Variants in NFASC observed in about 807,000 individuals in gnomAD.
NFASC encodes neurofascin, also known as neurofascin homolog.
A neutral mutation model predicts 147.5 loss-of-function variants in NFASC; 43 were observed. The observed-to-expected ratio is 0.29, with a 90% CI of 0.23 to 0.38. The LOEUF (loss-of-function observed/expected upper bound fraction) is 0.38. NFASC is among the 10% of genes least tolerant of loss of function. NFASC has a pLI of 1.00. For missense variants in NFASC, 1,320 were observed against 1,689.0 expected, an observed-to-expected ratio of 0.78 and a Z score of 3.83; for synonymous variants, 622 against 665.5, an observed-to-expected ratio of 0.93 and a Z score of 1.01.
At chr1:204,883,545 C>T (rs2080723987) in intron 1 of NFASC, among the ~76,000 whole-genome samples, 1 of 152,182 alleles carries the variant, frequency 6.6e-6, no homozygotes, top group Non-Finnish European at 1.5e-5. Context: ...CCCAGCCCTC[C>T]GGAGGATGGT....
intron 2 of NFASC, among the ~76,000 whole-genome samples, chr1:204,939,369 A>T (rs552766244): frequency 4.6e-5 from 7 of 152,062 alleles, no homozygotes; most frequent in Non-Finnish European, 1.0e-4. Context: ...TTTATCAGAC[A>T]ATTCTTCCTG....
chr1:204,978,389 CCTG>C (rs2095448035), intron 17 of NFASC, among the ~76,000 whole-genome samples: 1 of 152,198 alleles, frequency 6.6e-6, no homozygotes, highest in African/African-American at 2.4e-5. Context: ...AGGCTTCTGT[CCTG>C]CTGTCCATCA....
chr1:204,876,996 G>GTA (rs60582969), intron 1 of NFASC, among the ~76,000 whole-genome samples: 2,640 of 74,558 alleles, frequency 0.035, 78 homozygotes, highest in South Asian at 0.071. Context: ...GGCTAAATAT[G>GTA]TATATATATA....
At position 204,951,564 on chromosome 1, in the gene NFASC, G is replaced by A. The variant is rs190468795; in HGVS notation, c.110-447G>A. Reference sequence around the variant, plus strand: ...GCTCACTGCAAGCTCCGCTTCCTGGGTTCTTGTCATTCTCCTGCCTCAGCC... The same window carrying A: ...GCTCACTGCAAGCTCCGCTTCCTGGATTCTTGTCATTCTCCTGCCTCAGCC... On this transcript the variant is annotated intron_variant, in intron 4 of 29. Coordinates refer to ENST00000339876, the MANE Select transcript of NFASC (RefSeq NM_001005388.3). 5.8e-3 allele frequency among the ~76,000 whole-genome samples: 842 copies of A among 145,590 alleles called. 6 individuals are homozygous for A. The highest frequency in any genetic ancestry group is 0.02 in the African/African-American group (801 of 39,124).
intron 20 of NFASC, 70 bp from the exon 21 acceptor site, chr1:204,981,728 G>C: frequency 9.9e-7 from 1 of 1,012,886 alleles, no homozygotes; most frequent in East Asian, 2.7e-5. Context: ...CACAGCAAGA[G>C]AGGGCAAGCT....
Position 204,957,747 on chromosome 1 carries a change from C to T in NFASC, c.627C>T (p.Thr209=), listed in dbSNP as rs374961734. 4.5e-5 allele frequency: 73 copies of T among 1,613,970 alleles called. No homozygotes were observed. The highest frequency in any genetic ancestry group is 2.9e-4 in the East Asian group (13 of 44,890). The change falls in exon 8 of 30, where the codon ACC becomes ACT. Residue 209 remains threonine, a synonymous_variant. Coordinates refer to ENST00000339876, the MANE Select transcript of NFASC (RefSeq NM_001005388.3). The stretch of plus-strand genomic sequence containing the variant: ...ACGTGATGCTGCAGGACATGCAGAC[C>T]GACTACAGTTGTAACGCCCGCTTCC... The part of the protein sequence containing the change: ...FSNVMLQDMQ[T]DYSCNARFHF...
intron 1 of NFASC, among the ~76,000 whole-genome samples, chr1:204,881,264 C>A (rs1019195114): frequency 6.6e-6 from 1 of 152,156 alleles, no homozygotes; most frequent in Non-Finnish European, 1.5e-5. Flanking sequence ...GGGTGTGTGC[C>A]CCTGAAGTAG....
At chr1:204,898,699 G>C (rs1056296652) in intron 1 of NFASC, among the ~76,000 whole-genome samples, 1 of 152,138 alleles carries the variant, frequency 6.6e-6, no homozygotes, top group African/African-American at 2.4e-5. Flanking sequence ...GTGCAGCCTC[G>C]TGTCCTCCAC....
intron 1 of NFASC, among the ~76,000 whole-genome samples, chr1:204,861,923 C>T (rs535488593): frequency 4.5e-4 from 69 of 152,314 alleles, no homozygotes; most frequent in African/African-American, 9.4e-4. Flanking sequence ...CTGGTCAAGA[C>T]GCAGTGACAT....
intron 25 of NFASC, chr1:205,000,903 C>T (rs1001436456): frequency 3.9e-6 from 2 of 516,318 alleles, no homozygotes; most frequent in East Asian, 3.5e-5. Context: ...GTTTCCAGCT[C>T]TCCCTCCGAA....
chr1:204,860,621 G>C (rs867696350), intron 1 of NFASC, among the ~76,000 whole-genome samples: 1 of 152,236 alleles, frequency 6.6e-6, no homozygotes, highest in African/African-American at 2.4e-5. Context: ...CCGTTTTAAA[G>C]TATGCAATTC....
intron 1 of NFASC, among the ~76,000 whole-genome samples, chr1:204,904,019 C>T (rs1031625596): frequency 3.3e-5 from 5 of 152,234 alleles, no homozygotes; most frequent in Non-Finnish European, 4.4e-5. Flanking sequence ...GGCTTTGCCA[C>T]TCACTAGCTA....
chr1:204,879,337 C>T (rs565793715), intron 1 of NFASC, among the ~76,000 whole-genome samples: 15 of 152,290 alleles, frequency 9.8e-5, no homozygotes, highest in African/African-American at 2.9e-4. Flanking sequence ...TATTACTACT[C>T]GTCTCCCCCG....
chr1:204,869,604 G>A (rs2077418315), intron 1 of NFASC, among the ~76,000 whole-genome samples: 1 of 152,128 alleles, frequency 6.6e-6, no homozygotes, highest in Non-Finnish European at 1.5e-5. Context: ...CTGTCATTTA[G>A]AGAATCTTTG....
In NFASC at chr1:204,987,021, A is replaced by G; in HGVS notation, c.2471-397A>G. On this transcript the variant is annotated intron_variant, in intron 21 of 29. Transcript: ENST00000339876. The surrounding 1 kb of genome is among the most constrained non-coding windows in gnomAD (Gnocchi z 4.4). ...CCTGGACCCAGTGATGAGAATCCTTATCTGAGGATAGGGAACTGCAGCCTC... is the reference window on the plus strand; with the variant it reads ...CCTGGACCCAGTGATGAGAATCCTTGTCTGAGGATAGGGAACTGCAGCCTC... 5.2e-6 allele frequency: 1 copy of G among 191,948 alleles called. No homozygotes were observed. The highest frequency in any genetic ancestry group is 1.1e-4 in the South Asian group (1 of 8,806). The allele number at this position is 191,948 out of a possible 1,614,324, so 11.9% of individuals were successfully genotyped here. A position where few individuals can be genotyped will look rare whatever the true frequency, so the allele number is the denominator to read the frequency against.
At chr1:204,962,203 C>T in intron 8 of NFASC, 1 of 1,516,186 alleles carries the variant, frequency 6.6e-7, no homozygotes, top group Non-Finnish European at 9.1e-7. Context: ...CCTGTGCTAA[C>T]CCCAGTTTGC....
intron 28 of NFASC, 135 bp from the exon 29 acceptor site, chr1:205,012,662 G>T (rs1489423000): frequency 1.1e-5 from 8 of 729,644 alleles, no homozygotes; most frequent in African/African-American, 3.4e-5. Context: ...GGGAGGCGTG[G>T]ATGGTGCCTT....
At chr1:204,902,926 C>T (rs1054021875) in intron 1 of NFASC, among the ~76,000 whole-genome samples, 2 of 152,170 alleles carry the variant, frequency 1.3e-5, no homozygotes, top group Non-Finnish European at 2.9e-5. Context: ...GAATGTATTT[C>T]CGCAGCCATG....
chr1:204,925,392 C>T (rs2091311273), intron 2 of NFASC, among the ~76,000 whole-genome samples: 1 of 152,204 alleles, frequency 6.6e-6, no homozygotes, highest in Non-Finnish European at 1.5e-5. Flanking sequence ...GGCTGCAAGT[C>T]ACATGTGCCA....
Sources: gnomAD v4.1 joint callset for allele counts (sites outside exome capture counted in the v4.1 genomes callset) on GRCh38, gnomAD v4.1.1 for gene constraint, Gnocchi (gnomAD v3.1) non-coding constraint, MANE v1.5 for transcripts, NCBI Gene and HGNC (gene_info 2026-07-23, HGNC 2026-07-21) for gene names.